The following VAV2 variants were observed in gnomAD, a reference collection of about 807,000 sequenced individuals.
The protein encoded by VAV2 is vav guanine nucleotide exchange factor 2, also known as guanine nucleotide exchange factor VAV2.
In VAV2, 67 loss-of-function variants were observed where a neutral mutation model predicts 132.5. That is an observed-to-expected ratio of 0.51 (90% CI 0.42 to 0.62). The LOEUF (loss-of-function observed/expected upper bound fraction) is 0.62, where lower values mean the gene tolerates loss of function less well. Ranked by LOEUF, VAV2 falls within the 20% of genes least tolerant of loss-of-function variation. The pLI is 0.00. For missense variants in VAV2, 938 were observed against 1,153.6 expected (o/e 0.81, Z 2.71); for synonymous variants, 492 against 443.5 (o/e 1.11, Z -1.37).
chr9:133,972,836 G>A (rs1842385099), intron 1 of VAV2, among the ~76,000 whole-genome samples: 1 of 150,506 alleles, frequency 6.6e-6, no homozygotes, highest in Non-Finnish European at 1.5e-5. Context: ...TGATGCAGGT[G>A]GCCCGAGATC....
In VAV2 at chr9:133,898,882, C is replaced by T. The variant is rs150245493; in HGVS notation, c.322-37450G>A. ...TGTCTCCCAGGCTGGAGTTCAGTGG[C>T]GCAATCTCGGCTCACTGCAAGCTCC... On this transcript the variant is annotated intron_variant, in intron 2 of 29. Coordinates refer to ENST00000371850, the MANE Select transcript of VAV2 (RefSeq NM_001134398.2). 6.3e-3 allele frequency among the ~76,000 whole-genome samples: 890 copies of T among 141,242 alleles called. 12 individuals carry two copies. The highest frequency in any genetic ancestry group is 0.022 in the African/African-American group (849 of 38,062). 92.7% of individuals were successfully genotyped at this position (141,242 alleles called of 152,430 possible). A position where few individuals can be genotyped will look rare whatever the true frequency, so the allele number is the denominator to read the frequency against.
chr9:133,894,559 A>T (rs1839120622), intron 2 of VAV2, among the ~76,000 whole-genome samples: 1 of 152,170 alleles, frequency 6.6e-6, no homozygotes, highest in Admixed American at 6.5e-5. Context: ...ATTTTGCCAC[A>T]GTTGCCCTCT....
At chr9:133,954,070 T>C (rs1356329802) in intron 1 of VAV2, among the ~76,000 whole-genome samples, 2 of 152,176 alleles carry the variant, frequency 1.3e-5, no homozygotes, top group Non-Finnish European at 2.9e-5. Flanking sequence ...TAAAACACCC[T>C]TCTCAACGTG....
At chr9:133,945,624 G>A (rs1307146598) in intron 1 of VAV2, among the ~76,000 whole-genome samples, 1 of 152,216 alleles carries the variant, frequency 6.6e-6, no homozygotes, top group African/African-American at 2.4e-5. Flanking sequence ...TCAGGGGCCC[G>A]GGTGTCCTCA....
rs1224299330 is a variant in VAV2, at chr9:133,918,963, C to T, written c.321+20140G>A. Among the ~76,000 whole-genome samples, 5 of 152,144 alleles carry T rather than the reference C, an allele frequency of 3.3e-5. No homozygotes were observed. In the East Asian group the frequency reaches 5.8e-4, roughly 18 times the overall value. On this transcript the variant is annotated intron_variant, in intron 2 of 29. Coordinates refer to ENST00000371850, the MANE Select transcript of VAV2 (RefSeq NM_001134398.2). The surrounding 1 kb of genome is among the most constrained non-coding windows in gnomAD (Gnocchi z 4.7). The stretch of plus-strand genomic sequence containing the variant: ...GCTAATTTTGTATTTTTAGTAGAGA[C>T]GGGGTTTCACCATGTTGTCCAGGCT...
At chr9:133,796,571 T>C in intron 10 of VAV2, 47 bp from the exon 11 acceptor site, 1 of 1,563,308 alleles carries the variant, frequency 6.4e-7, no homozygotes, top group Non-Finnish European at 8.7e-7. Flanking sequence ...GAGGAAAGCC[T>C]GAACCCACCC....
At position 133,911,402 on chromosome 9, in the gene VAV2, T is replaced by C. The variant is rs573514663; in HGVS notation, c.321+27701A>G. Among the ~76,000 whole-genome samples the C allele has an allele frequency of 9.8e-5, 15 of 152,308 alleles. 1 individual carries two copies. In the South Asian group the frequency reaches 1.9e-3, roughly 19 times the overall value. Reference sequence around the variant, plus strand: ...ACTAAGACCTTGACGTTCAACTGCATTGAATTTACCAGACCTGTATTAAAT... The same window carrying C: ...ACTAAGACCTTGACGTTCAACTGCACTGAATTTACCAGACCTGTATTAAAT... On this transcript the variant is annotated intron_variant, in intron 2 of 29. Coordinates refer to ENST00000371850, the MANE Select transcript of VAV2 (RefSeq NM_001134398.2).
At chr9:133,854,121 C>T (rs1426711587) in intron 3 of VAV2, among the ~76,000 whole-genome samples, 1 of 89,694 alleles carries the variant, frequency 1.1e-5, no homozygotes, top group Non-Finnish European at 2.1e-5. Context: ...ACCCCTTGCA[C>T]CTGCACACAC....
In VAV2 at chr9:133,991,039, C is replaced by T. The variant is rs915841240; in HGVS notation, c.204+1036G>A. ...CCTGGAATCGCTGGTGACTCACTCT[C>T]CCTCCTTCCCAGGAACCACGTCCTA... is the stretch of plus-strand genomic sequence containing the variant. On this transcript the variant is annotated intron_variant, in intron 1 of 29. Coordinates refer to ENST00000371850, the MANE Select transcript of VAV2 (RefSeq NM_001134398.2). The surrounding 1 kb of genome is among the most constrained non-coding windows in gnomAD (Gnocchi z 4.8). Among the ~76,000 whole-genome samples, 3 of 152,220 alleles carry T rather than the reference C, an allele frequency of 2.0e-5. No homozygotes were observed. The highest frequency in any genetic ancestry group is 7.2e-5 in the African/African-American group (3 of 41,458).
intron 1 of VAV2, among the ~76,000 whole-genome samples, chr9:133,986,985 G>A (rs1292266115): frequency 6.6e-6 from 1 of 150,924 alleles, no homozygotes; most frequent in Non-Finnish European, 1.5e-5. Context: ...GCACACAGCA[G>A]GGTTTTATTA....
At chr9:133,893,038 C>T (rs1236980411) in intron 2 of VAV2, among the ~76,000 whole-genome samples, 1 of 152,170 alleles carries the variant, frequency 6.6e-6, no homozygotes, top group Non-Finnish European at 1.5e-5. Context: ...GGGCCCTGGC[C>T]CTTAGACACG....
rs200576303 is a variant in VAV2, at chr9:133,879,317, GA to G, written c.322-17886del. ...GAGCTCCAAGGAACCAGCAGGGTGT[GA>G]TCAATGCCGCAGGGTAAAGAACAGA... On this transcript the variant is annotated intron_variant, in intron 2 of 29. Coordinates refer to ENST00000371850, the MANE Select transcript of VAV2 (RefSeq NM_001134398.2). The surrounding 1 kb of genome is among the most constrained non-coding windows in gnomAD (Gnocchi z 4.4). Among the ~76,000 whole-genome samples, 13,406 of 152,150 alleles carry G rather than the reference GA, an allele frequency of 0.088. 753 individuals carry two copies. Among genetic ancestry groups the G allele is most frequent in the South Asian group, 0.19 (900 of 4,812 alleles).
chr9:133,818,161 G>A (rs549144981), intron 4 of VAV2, among the ~76,000 whole-genome samples: 2 of 152,154 alleles, frequency 1.3e-5, no homozygotes, highest in South Asian at 2.1e-4. Context: ...TCAGGAGATC[G>A]AGACCATCCT....
At chr9:133,925,414 C>T (rs977744887) in intron 2 of VAV2, among the ~76,000 whole-genome samples, 8 of 152,148 alleles carry the variant, frequency 5.3e-5, no homozygotes, top group Admixed American at 1.3e-4. Flanking sequence ...GACGGGGTTT[C>T]ACCACGTTGT....
chr9:133,855,074 G>A (rs1015529283), intron 3 of VAV2, among the ~76,000 whole-genome samples: 4 of 152,218 alleles, frequency 2.6e-5, no homozygotes, highest in Admixed American at 6.5e-5. Flanking sequence ...ACACCAGCCC[G>A]GATGGAAGAG....
In VAV2 at chr9:133,802,283, CACACACATGCATGTGCACACAA is replaced by C. The variant is rs1834958627; in HGVS notation, c.836+3776_836+3797del. 1.3e-5 allele frequency among the ~76,000 whole-genome samples: 2 copies of C among 151,536 alleles called. No individual in the cohort carries two copies. Among genetic ancestry groups the C allele is most frequent in the African/African-American group, 4.9e-5 (2 of 41,150 alleles). On this transcript the variant is annotated intron_variant, in intron 9 of 29. Coordinates refer to ENST00000371850, the MANE Select transcript of VAV2 (RefSeq NM_001134398.2). This position sits in a 1 kb window ranked among gnomAD's most constrained non-coding sequence, Gnocchi z 5.8. ...ACACGGGCACACATGTATGCACACA[CACACACATGCATGTGCACACAA>C]ACACACAAGCACGCGTGTACACACA...
chr9:133,796,061 G>A (rs1834700592), intron 11 of VAV2, among the ~76,000 whole-genome samples: 1 of 152,262 alleles, frequency 6.6e-6, no homozygotes, highest in Non-Finnish European at 1.5e-5. Flanking sequence ...GTGCCGGGCA[G>A]AAACCACCGC....
At chr9:133,816,622 ACTAAGGAGG>A (rs1233421625) in intron 4 of VAV2, among the ~76,000 whole-genome samples, 1 of 152,194 alleles carries the variant, frequency 6.6e-6, no homozygotes, top group African/African-American at 2.4e-5. Flanking sequence ...CGTCCCAGCT[ACTAAGGAGG>A]CTGAGGAAGG....
chr9:133,970,850 T>G (rs1188065635), intron 1 of VAV2, among the ~76,000 whole-genome samples: 1 of 152,216 alleles, frequency 6.6e-6, no homozygotes, highest in Non-Finnish European at 1.5e-5. Context: ...GTACTCTTGC[T>G]TTAATCTACA....
Sources: allele counts gnomAD v4.1 joint callset (sites outside exome capture counted in the v4.1 genomes callset), GRCh38; gene constraint gnomAD v4.1.1; non-coding constraint Gnocchi (gnomAD v3.1); transcripts MANE v1.5; gene names NCBI Gene and HGNC (gene_info 2026-07-23, HGNC 2026-07-21).